The following KANSL1 variants were observed in gnomAD, a reference collection of about 807,000 sequenced individuals.
KANSL1 encodes the protein MLL1/MLL complex subunit KANSL1.
A neutral mutation model predicts 103.6 loss-of-function variants in KANSL1; 22 were observed. That is an observed-to-expected ratio of 0.21 (90% CI 0.15 to 0.30). The LOEUF (loss-of-function observed/expected upper bound fraction) is 0.30. Among genes scored for constraint, KANSL1 ranks in the 10% least tolerant of loss-of-function variants. KANSL1 has a pLI of 1.00. For missense variants in KANSL1, 1,337 were observed against 1,399.8 expected, an observed-to-expected ratio of 0.96 and a Z score of 0.72; for synonymous variants, 600 against 527.6, an observed-to-expected ratio of 1.14 and a Z score of -1.88.
chr17:46,072,924 T>A, intron 4 of KANSL1, among the ~76,000 whole-genome samples: 1 of 152,352 alleles, frequency 6.6e-6, no homozygotes, highest in East Asian at 1.9e-4. Context: ...TAAAGAAATA[T>A]AGCAAATGCA....
intron 6 of KANSL1, among the ~76,000 whole-genome samples, chr17:46,059,914 C>G (rs1245866945): frequency 1.3e-5 from 2 of 151,894 alleles, no homozygotes; most frequent in African/African-American, 4.8e-5. Flanking sequence ...AGCCTGGCGA[C>G]AGAGCGAGAC....
Position 46,170,916 on chromosome 17 carries a change from C to G in KANSL1, c.1228G>C (p.Glu410Gln). 1 of 1,614,072 alleles carries G rather than the reference C, an allele frequency of 6.2e-7. No individual in the cohort carries two copies. The highest frequency in any genetic ancestry group is 8.5e-7 in the Non-Finnish European group (1 of 1,180,002). ...AGTTCTTCCTCTTCAATATCAGACT[C>G]CCCTCCTGAACTACTGTCAGTGACA... ...SDVTDSSSGGESDIEEEELTR... is the reference protein window; with the variant it reads ...SDVTDSSSGGQSDIEEEELTR... The change falls in exon 2 of 15, where the codon GAG becomes CAG. Residue 410 changes from glutamate to glutamine, a missense_variant. Glu to Gln is a conservative substitution (Grantham distance 29). Coordinates refer to ENST00000432791, the MANE Select transcript of KANSL1 (RefSeq NM_015443.4).
chr17:46,192,087 A>G (rs1032352684), intron 1 of KANSL1, among the ~76,000 whole-genome samples: 12 of 152,228 alleles, frequency 7.9e-5, no homozygotes, highest in Non-Finnish European at 1.6e-4. Context: ...AGCAATCAGT[A>G]AGCAATAGTT....
intron 4 of KANSL1, among the ~76,000 whole-genome samples, chr17:46,073,727 G>GA (rs1266638029): frequency 6.6e-6 from 1 of 152,124 alleles, no homozygotes; most frequent in African/African-American, 2.4e-5. Context: ...TAACCATACT[G>GA]AAAGATTTGG....
In KANSL1 at chr17:46,129,287, G is replaced by A. The variant is rs186951060; in HGVS notation, c.1290-34586C>T. Among the ~76,000 whole-genome samples the A allele has an allele frequency of 1.8e-4, 28 of 152,278 alleles. No individual in the cohort carries two copies. The East Asian group carries it at 4.1e-3, about 22-fold the overall frequency. The stretch of plus-strand genomic sequence containing the variant: ...TATTTTGGCTGGCAAATACTGGTAC[G>A]ATGTCAAGCATGGAAATTAAGCACC... On this transcript the variant is annotated intron_variant, in intron 2 of 14. Coordinates refer to ENST00000432791, the MANE Select transcript of KANSL1 (RefSeq NM_015443.4).
At chr17:46,182,490 A>G (rs1390952852) in intron 1 of KANSL1, among the ~76,000 whole-genome samples, 2 of 152,262 alleles carry the variant, frequency 1.3e-5, no homozygotes, top group African/African-American at 4.8e-5. Flanking sequence ...ACTATAAAAC[A>G]AAGAGATAAT....
intron 1 of KANSL1, among the ~76,000 whole-genome samples, chr17:46,173,138 T>C (rs1306594051): frequency 2.6e-5 from 4 of 152,226 alleles, no homozygotes; most frequent in Non-Finnish European, 4.4e-5. Flanking sequence ...CTTCTAATTC[T>C]TTCCTGATGT....
chr17:46,127,100 A>C (rs1337738442), intron 2 of KANSL1, among the ~76,000 whole-genome samples: 1 of 152,244 alleles, frequency 6.6e-6, no homozygotes, highest in African/African-American at 2.4e-5. Flanking sequence ...AATCATATTT[A>C]AATAAATGTC....
intron 2 of KANSL1, among the ~76,000 whole-genome samples, chr17:46,140,994 G>A (rs755947476): frequency 5.9e-5 from 9 of 152,064 alleles, no homozygotes; most frequent in Admixed American, 1.3e-4. Context: ...GCTACTTTAT[G>A]TGTTAAATGC....
intron 6 of KANSL1, among the ~76,000 whole-genome samples, chr17:46,065,759 A>ATTGC (rs1223313374): frequency 6.6e-6 from 1 of 152,342 alleles, no homozygotes; most frequent in East Asian, 1.9e-4. Flanking sequence ...GGCAACTGCT[A>ATTGC]TTTGAAGAGT....
intron 1 of KANSL1, among the ~76,000 whole-genome samples, chr17:46,189,902 G>A (rs2047225279): frequency 1.3e-5 from 1 of 77,998 alleles, no homozygotes. Context: ...ACGAGACCCT[G>A]CCTCAAAAAA....
chr17:46,187,798 G>A (rs1276750979), intron 1 of KANSL1, among the ~76,000 whole-genome samples: 1 of 152,188 alleles, frequency 6.6e-6, no homozygotes, highest in Admixed American at 6.5e-5. Flanking sequence ...TTTGCATAAA[G>A]GTTTAAAATC....
At chr17:46,099,714 A>G (rs1230514918) in intron 2 of KANSL1, among the ~76,000 whole-genome samples, 2 of 152,260 alleles carry the variant, frequency 1.3e-5, no homozygotes, top group Non-Finnish European at 2.9e-5. Context: ...AGAATGCCTT[A>G]GAACGTTTGA....
chr17:46,095,284 C>G (rs2042013617), intron 2 of KANSL1, among the ~76,000 whole-genome samples: 1 of 152,074 alleles, frequency 6.6e-6, no homozygotes, highest in African/African-American at 2.4e-5. Context: ...CAAAGAAATT[C>G]CAATCAAATT....
At chr17:46,218,437 T>C (rs2048407902) in intron 1 of KANSL1, among the ~76,000 whole-genome samples, 1 of 152,266 alleles carries the variant, frequency 6.6e-6, no homozygotes, top group South Asian at 2.1e-4. Context: ...CAGTATCACA[T>C]AGCCAGAGCC....
rs769553880 is a variant in KANSL1 at position 46,171,441 on chromosome 17, T to TTGC, written c.702_703insGCA (p.Val234_Asn235insAla). Reference sequence around the variant, plus strand: ...TGAAGTGCCGGCTGTTCCATGGAATTGACAGAGGATTTGTTTGCAGTGCTA... The same window carrying TTGC: ...TGAAGTGCCGGCTGTTCCATGGAATTTGCGACAGAGGATTTGTTTGCAGTGCTA... On this transcript the variant is annotated inframe_insertion, in exon 2 of 15. Coordinates refer to ENST00000432791, the MANE Select transcript of KANSL1 (RefSeq NM_015443.4). 2.5e-6 allele frequency: 4 copies of TTGC among 1,614,088 alleles called. No homozygotes were observed. In the South Asian group the frequency reaches 4.4e-5, roughly 18 times the overall value.
chr17:46,062,355 C>CTTT lies in KANSL1; in HGVS notation c.1848+4179_1848+4181dup, dbSNP rs34577730. Among the ~76,000 whole-genome samples, 781 of 95,436 alleles carry CTTT rather than the reference C, an allele frequency of 8.2e-3. 35 individuals are homozygous for CTTT. The highest frequency in any genetic ancestry group is 0.016 in the Middle Eastern group (2 of 124). 62.6% of individuals were successfully genotyped at this position (95,436 alleles called of 152,430 possible). ...AGAAGTACAAGTGATATAACAACAGCTTTTTTTTTTTTTTTTTTTTTTTAG... is the reference window on the plus strand; with the variant it reads ...AGAAGTACAAGTGATATAACAACAGCTTTTTTTTTTTTTTTTTTTTTTTTTTAG... On this transcript the variant is annotated intron_variant, in intron 6 of 14. Transcript: ENST00000432791.
intron 2 of KANSL1, among the ~76,000 whole-genome samples, chr17:46,161,805 T>C (rs997100365): frequency 6.6e-6 from 1 of 152,214 alleles, no homozygotes; most frequent in Non-Finnish European, 1.5e-5. Context: ...CAATTCCTCT[T>C]ACCTGAGTTC....
At chr17:46,168,291 T>C (rs1257117309) in intron 2 of KANSL1, among the ~76,000 whole-genome samples, 2 of 152,234 alleles carry the variant, frequency 1.3e-5, no homozygotes, top group Admixed American at 6.5e-5. Context: ...AACCCGGTGA[T>C]CTTGCTCAAC....
Sources: gnomAD v4.1 joint callset for allele counts (sites outside exome capture counted in the v4.1 genomes callset) on GRCh38, gnomAD v4.1.1 for gene constraint, MANE v1.5 for transcripts, NCBI Gene and HGNC (gene_info 2026-07-23, HGNC 2026-07-21) for gene names.